EPB41L2: variants seen among roughly 807,000 people sequenced by gnomAD.
The protein encoded by EPB41L2 is erythrocyte membrane protein band 4.1 like 2, also known as band 4.1-like protein 2.
In EPB41L2, 43 loss-of-function variants were observed where a neutral mutation model predicts 113.0. The ratio of observed to expected loss-of-function variants is 0.38; its 90% confidence interval spans 0.30 to 0.49. EPB41L2 has a LOEUF of 0.49. Ranked by LOEUF, EPB41L2 falls within the 20% of genes least tolerant of loss-of-function variation. EPB41L2 has a pLI of 0.95. For missense variants in EPB41L2, 1,147 were observed against 1,223.4 expected (o/e 0.94, Z 0.93); for synonymous variants, 442 against 436.7 (o/e 1.01, Z -0.15).
intron 1 of EPB41L2, among the ~76,000 whole-genome samples, chr6:131,061,856 A>AG (rs1347704387): frequency 6.6e-6 from 1 of 152,170 alleles, no homozygotes; most frequent in Non-Finnish European, 1.5e-5. Flanking sequence ...TGAAAAACTG[A>AG]GGGGAAAACC....
intron 1 of EPB41L2, among the ~76,000 whole-genome samples, chr6:131,029,819 C>T (rs554401227): frequency 6.6e-6 from 1 of 152,216 alleles, no homozygotes; most frequent in Admixed American, 6.5e-5. Context: ...TGCCACAATA[C>T]CTGAAAGCCC....
chr6:131,051,452 C>CAAAAAAAAAA (rs547631535), intron 1 of EPB41L2, among the ~76,000 whole-genome samples: 6 of 101,782 alleles, frequency 5.9e-5, no homozygotes, highest in East Asian at 2.4e-4. Context: ...AAAAGTAAAG[C>CAAAAAAAAAA]AAAAAAAAAA....
At chr6:130,989,082 CTG>C (rs1781228216) in intron 1 of EPB41L2, among the ~76,000 whole-genome samples, 2 of 132,352 alleles carry the variant, frequency 1.5e-5, no homozygotes, top group South Asian at 2.6e-4. Context: ...AAGTGAGACT[CTG>C]TCTCAAAAAC....
intron 3 of EPB41L2, among the ~76,000 whole-genome samples, chr6:130,934,808 T>G (rs1272177858): frequency 2.0e-5 from 3 of 151,802 alleles, no homozygotes; most frequent in African/African-American, 7.2e-5. Flanking sequence ...TTTTTTTTTT[T>G]TTTTGTAACT....
At chr6:130,943,021 A>G (rs1383482226) in intron 3 of EPB41L2, among the ~76,000 whole-genome samples, 1 of 152,180 alleles carries the variant, frequency 6.6e-6, no homozygotes, top group Non-Finnish European at 1.5e-5. Flanking sequence ...GTTGGTTCCA[A>G]GTCTTTGCTA....
intron 1 of EPB41L2, among the ~76,000 whole-genome samples, chr6:131,037,205 G>C (rs1045991387): frequency 6.6e-6 from 1 of 152,136 alleles, no homozygotes; most frequent in Non-Finnish European, 1.5e-5. Context: ...AGCATCTACA[G>C]AACGCTAAGC....
chr6:130,930,886 A>G (rs547312975), intron 3 of EPB41L2, among the ~76,000 whole-genome samples: 1 of 152,338 alleles, frequency 6.6e-6, no homozygotes, highest in Admixed American at 6.5e-5. Context: ...AATATGAAAA[A>G]GCAGGTTTTG....
intron 1 of EPB41L2, among the ~76,000 whole-genome samples, chr6:131,059,518 C>T (rs537073213): frequency 6.8e-6 from 1 of 147,974 alleles, no homozygotes; most frequent in African/African-American, 2.5e-5. Context: ...GCACTGCCCA[C>T]GCAGAGAAAT....
At chr6:131,003,929 G>C (rs1263997913) in intron 1 of EPB41L2, among the ~76,000 whole-genome samples, 4 of 152,158 alleles carry the variant, frequency 2.6e-5, no homozygotes, top group Non-Finnish European at 5.9e-5. Flanking sequence ...CCCACCCAAC[G>C]CTGTTGAACA....
At chr6:130,878,064 ACTGAAG>A in intron 14 of EPB41L2, 34 bp downstream of exon 14, 8 of 1,527,640 alleles carry the variant, frequency 5.2e-6, no homozygotes, top group Non-Finnish European at 6.1e-6. Context: ...TTATTGAGCA[ACTGAAG>A]TGAGACAGAG....
intron 3 of EPB41L2, among the ~76,000 whole-genome samples, chr6:130,928,544 C>T (rs1341703544): frequency 1.3e-5 from 2 of 152,236 alleles, no homozygotes; most frequent in African/African-American, 2.4e-5. Flanking sequence ...GGAGAAAACA[C>T]GTTCCAATTC....
At chr6:130,899,446 G>C (rs184273436) in intron 8 of EPB41L2, 45 bp downstream of exon 8, 15 of 1,531,216 alleles carry the variant, frequency 9.8e-6, no homozygotes, top group African/African-American at 1.4e-5. Context: ...CAAAACCTCA[G>C]TCAACAGACT....
At chr6:131,021,915 T>C (rs1374418720) in intron 1 of EPB41L2, among the ~76,000 whole-genome samples, 1 of 152,156 alleles carries the variant, frequency 6.6e-6, no homozygotes, top group East Asian at 1.9e-4. Context: ...CAGGGACTGG[T>C]TTCGTGGAAG....
chr6:130,932,083 T>C (rs1251927186), intron 3 of EPB41L2, among the ~76,000 whole-genome samples: 3 of 152,312 alleles, frequency 2.0e-5, no homozygotes, highest in Middle Eastern at 3.4e-3. Flanking sequence ...CAAGACCTTT[T>C]TGAGCTGCTC....
chr6:130,844,694 T>C (rs775860383), intron 19 of EPB41L2, among the ~76,000 whole-genome samples: 13 of 152,224 alleles, frequency 8.5e-5, no homozygotes, highest in Non-Finnish European at 1.6e-4. Context: ...ATTCTTCTTT[T>C]ATCCTCAATT....
At position 130,894,969 on chromosome 6, in the gene EPB41L2, C is replaced by T; in HGVS notation, c.1387G>A (p.Glu463Lys). The T allele has an allele frequency of 6.2e-7, 1 of 1,612,998 alleles. No homozygotes were observed. The change falls in exon 9 of 20, where the codon GAG (glutamate) becomes AAG (lysine). Residue 463 changes from glutamate to lysine, a missense_variant and splice_region_variant. Glu to Lys is a moderately conservative substitution (Grantham distance 56, BLOSUM62 1). Transcript: ENST00000337057. Reference protein sequence around the residue: ...SNFYIKVRPAELEQFESTIGF... With the variant: ...SNFYIKVRPAKLEQFESTIGF... Reference sequence around the variant, plus strand: ...TGATTAGAAATGTCTTGGCTTACCTCTGCCGGTCTGACTTTAATGTAGAAG... The same window carrying T: ...TGATTAGAAATGTCTTGGCTTACCTTTGCCGGTCTGACTTTAATGTAGAAG...
At chr6:131,034,515 A>T (rs1484659960) in intron 1 of EPB41L2, among the ~76,000 whole-genome samples, 1 of 152,168 alleles carries the variant, frequency 6.6e-6, no homozygotes, top group African/African-American at 2.4e-5. Context: ...CTGGGCAACA[A>T]ATTGAGACCC....
At chr6:131,043,197 A>G (rs1335479760) in intron 1 of EPB41L2, among the ~76,000 whole-genome samples, 7 of 152,198 alleles carry the variant, frequency 4.6e-5, no homozygotes, top group Non-Finnish European at 7.4e-5. Context: ...GCTACTTAGG[A>G]GGCTGAGGCA....
At chr6:130,911,121 A>G (rs937059100) in intron 4 of EPB41L2, among the ~76,000 whole-genome samples, 1 of 152,242 alleles carries the variant, frequency 6.6e-6, no homozygotes, top group African/African-American at 2.4e-5. Flanking sequence ...ACTTGGAACC[A>G]ACTCAAATGC....
Sources: allele counts gnomAD v4.1 joint callset (sites outside exome capture counted in the v4.1 genomes callset), GRCh38; gene constraint gnomAD v4.1.1; transcripts MANE v1.5; gene names NCBI Gene and HGNC (gene_info 2026-07-23, HGNC 2026-07-21).